Variants in CFAP144 observed in about 807,000 individuals in gnomAD.
CFAP144 encodes cilia- and flagella-associated protein 144.
At chr1:43,148,133 G>A in the CFAP144 span, 1 of 1,590,768 alleles carries the variant, frequency 6.3e-7, no homozygotes, top group Admixed American at 1.8e-5. Flanking sequence ...GAGGGCGCCG[G>A]GGAAGGAGGA....
chr1:43,148,111 G>A, the CFAP144 span: 4 of 1,606,892 alleles, frequency 2.5e-6, no homozygotes, highest in East Asian at 4.5e-5. Flanking sequence ...GGTGGGGGAA[G>A]GGCGAGAGCG....
the CFAP144 span, among the ~76,000 whole-genome samples, chr1:43,155,247 T>C: frequency 6.6e-6 from 1 of 152,314 alleles, no homozygotes; most frequent in African/African-American, 2.4e-5. Flanking sequence ...CTTAGAAGAA[T>C]AGTACAATGC....
the CFAP144 span, chr1:43,153,034 T>G: frequency 7.1e-7 from 1 of 1,415,488 alleles, no homozygotes; most frequent in Non-Finnish European, 9.6e-7. Flanking sequence ...GGCTTGAACC[T>G]GGCTACCTCT....
the CFAP144 span, chr1:43,150,668 G>A: frequency 1.9e-5 from 21 of 1,110,178 alleles, no homozygotes; most frequent in East Asian, 3.4e-4. Context: ...CTCAGTGAGT[G>A]CCAAATGGGT....
chr1:43,148,059 G>A, the CFAP144 span: 8 of 1,612,792 alleles, frequency 5.0e-6, no homozygotes, highest in South Asian at 8.8e-5. Context: ...TCTACACGCA[G>A]TATCACGTGA....
chr1:43,147,785 G>A, the CFAP144 span: 2 of 1,467,500 alleles, frequency 1.4e-6, no homozygotes, highest in Admixed American at 2.8e-5. Context: ...GCGGGGCGAT[G>A]CAGGCAGGGT....
At chr1:43,152,296 C>T in the CFAP144 span, among the ~76,000 whole-genome samples, 1 of 152,196 alleles carries the variant, frequency 6.6e-6, no homozygotes, top group African/African-American at 2.4e-5. Flanking sequence ...TTGCTCCTCA[C>T]TCTCTGTTGT....
At chr1:43,151,461 G>A in the CFAP144 span, among the ~76,000 whole-genome samples, 1 of 152,206 alleles carries the variant, frequency 6.6e-6, no homozygotes, top group Non-Finnish European at 1.5e-5. Flanking sequence ...GAACAGCATA[G>A]GAAACAGGTG....
the CFAP144 span, chr1:43,150,830 G>T: frequency 6.2e-7 from 1 of 1,603,112 alleles, no homozygotes; most frequent in Non-Finnish European, 8.5e-7. Context: ...GGTAAGTCCT[G>T]GGCTTTGAAA....
the CFAP144 span, chr1:43,156,282 C>A: frequency 6.2e-7 from 1 of 1,613,980 alleles, no homozygotes; most frequent in Non-Finnish European, 8.5e-7. Context: ...AAGGCTAAAA[C>A]GTGGGGCTTA....
the CFAP144 span, among the ~76,000 whole-genome samples, chr1:43,154,060 GTGTATATATATATATA>G: frequency 0.02 from 1,419 of 71,764 alleles, 32 homozygotes; most frequent in African/African-American, 0.052. Flanking sequence ...ATATATGTGT[GTGTATATATATATATA>G]TATATATATA....
the CFAP144 span, chr1:43,156,325 A>C: frequency 4.4e-6 from 7 of 1,600,238 alleles, no homozygotes; most frequent in Admixed American, 8.3e-5. Flanking sequence ...ATCCCAGCGG[A>C]TGAGCCCATC....
chr1:43,156,163 C>A, the CFAP144 span: 1 of 1,564,634 alleles, frequency 6.4e-7, no homozygotes, highest in Non-Finnish European at 8.8e-7. Flanking sequence ...GGTCCTCCTG[C>A]ATCCTCACAG....
At chr1:43,153,040 C>T in the CFAP144 span, 31 of 1,376,208 alleles carry the variant, frequency 2.3e-5, no homozygotes, top group South Asian at 4.2e-4. Context: ...AACCTGGCTA[C>T]CTCTTACCAG....
the CFAP144 span, chr1:43,152,951 CAGGAAATACG>C: frequency 6.2e-7 from 1 of 1,601,562 alleles, no homozygotes; most frequent in Non-Finnish European, 8.5e-7. Flanking sequence ...GCTCCTTCCT[CAGGAAATACG>C]AGGAAACACA....
chr1:43,155,798 G>A, the CFAP144 span, among the ~76,000 whole-genome samples: 1 of 152,308 alleles, frequency 6.6e-6, no homozygotes, highest in Middle Eastern at 3.4e-3. Flanking sequence ...TCATCTCCTG[G>A]TAACATTTTC....
At chr1:43,147,842 G>A in the CFAP144 span, 1 of 1,542,846 alleles carries the variant, frequency 6.5e-7, no homozygotes, top group African/African-American at 1.4e-5. Context: ...AGCACTACCC[G>A]AGCGCTGTTG....
chr1:43,148,318 A>C, the CFAP144 span, among the ~76,000 whole-genome samples: 3 of 152,240 alleles, frequency 2.0e-5, no homozygotes, highest in African/African-American at 4.8e-5. Flanking sequence ...GTAGAAAAAA[A>C]AAAGTTGTAG....
chr1:43,150,640 C>T, the CFAP144 span: 1 of 803,698 alleles, frequency 1.2e-6, no homozygotes, highest in South Asian at 1.6e-5. Context: ...CAGGATAATA[C>T]CTGGCATGTA....
Sources: allele counts gnomAD v4.1 joint callset (sites outside exome capture counted in the v4.1 genomes callset), GRCh38; gene constraint gnomAD v4.1.1; transcripts MANE v1.5; gene names NCBI Gene and HGNC (gene_info 2026-07-23, HGNC 2026-07-21).